The following CLIP1 variants were observed in gnomAD, a reference collection of about 807,000 sequenced individuals.
The protein encoded by CLIP1 is CAP-Gly domain containing linker protein 1.
CLIP1 carries 66 observed loss-of-function variants against 161.6 expected under a neutral mutation model. That is an observed-to-expected ratio of 0.41 (90% CI 0.33 to 0.50). The LOEUF is 0.50. CLIP1 is among the 20% of genes least tolerant of loss of function. The pLI is 0.27. For missense variants in CLIP1, 1,376 were observed against 1,702.0 expected (o/e 0.81, Z 3.37); for synonymous variants, 598 against 626.2 (o/e 0.96, Z 0.67).
chr12:122,326,378 C>T (rs4758667), intron 17 of CLIP1, among the ~76,000 whole-genome samples: 117,883 of 150,822 alleles, frequency 0.78, 46,380 homozygotes, highest in East Asian at 0.85. Context: ...ACGCCTGCAA[C>T]CCCAGCGCCT....
chr12:122,381,916 A>G (rs777539861), intron 1 of CLIP1, among the ~76,000 whole-genome samples: 4 of 152,204 alleles, frequency 2.6e-5, no homozygotes, highest in Non-Finnish European at 5.9e-5. Flanking sequence ...CCAAAACCCA[A>G]TGAAAAGCAT....
chr12:122,406,141 T>C (rs1170143447), intron 1 of CLIP1, among the ~76,000 whole-genome samples: 1 of 152,032 alleles, frequency 6.6e-6, no homozygotes, highest in African/African-American at 2.4e-5. Context: ...TTGTAATCAC[T>C]GTTTATTTAA....
intron 3 of CLIP1, among the ~76,000 whole-genome samples, chr12:122,367,590 T>C (rs901425622): frequency 8.5e-5 from 13 of 152,190 alleles, no homozygotes; most frequent in Non-Finnish European, 1.9e-4. Context: ...GTCTAGTACA[T>C]GCACGTACAG....
At chr12:122,365,843 T>C (rs180810202) in intron 3 of CLIP1, among the ~76,000 whole-genome samples, 16 of 151,546 alleles carry the variant, frequency 1.1e-4, no homozygotes, top group Admixed American at 5.9e-4. Context: ...ACCCTGTCTG[T>C]ACAAATAATA....
At chr12:122,416,877 G>T (rs1956774571) in intron 1 of CLIP1, among the ~76,000 whole-genome samples, 1 of 151,648 alleles carries the variant, frequency 6.6e-6, no homozygotes, top group Admixed American at 6.6e-5. Flanking sequence ...TCCAGCCTGG[G>T]CAACAAGAGC....
At chr12:122,382,733 AGT>A (rs1360881878) in intron 1 of CLIP1, among the ~76,000 whole-genome samples, 1 of 151,792 alleles carries the variant, frequency 6.6e-6, no homozygotes, top group Non-Finnish European at 1.5e-5. Context: ...TAAATAAATA[AGT>A]GTGGTTTGGG....
chr12:122,273,431 A>C (rs1955256335), intron 25 of CLIP1, among the ~76,000 whole-genome samples: 1 of 151,598 alleles, frequency 6.6e-6, no homozygotes, highest in Non-Finnish European at 1.5e-5. Context: ...TTGTATTTTC[A>C]GTAGAGATGG....
At chr12:122,356,738 CCTGATTCTCCTG>C (rs1953393022) in intron 5 of CLIP1, among the ~76,000 whole-genome samples, 1 of 29,382 alleles carries the variant, frequency 3.4e-5, no homozygotes, top group Non-Finnish European at 1.1e-4. Flanking sequence ...AGCCTCCCTG[CCTGATTCTCCTG>C]CCTCAGCCTG....
chr12:122,294,573 G>T (rs78250018), intron 20 of CLIP1, among the ~76,000 whole-genome samples: 2 of 151,846 alleles, frequency 1.3e-5, no homozygotes, highest in South Asian at 4.2e-4. Flanking sequence ...GACCAGCCTG[G>T]GTAACATAGT....
chr12:122,274,264 G>A (rs1217861979), intron 24 of CLIP1, 102 bp from the exon 25 acceptor site: 18 of 954,674 alleles, frequency 1.9e-5, no homozygotes, highest in Non-Finnish European at 2.4e-5. Context: ...GCGGCAAAGT[G>A]TGCAGAAGGG....
In CLIP1 at chr12:122,278,215, G is replaced by GTAAA; in HGVS notation, c.3917-13_3917-12insTTTA. 2 of 1,196,524 alleles carry GTAAA rather than the reference G, an allele frequency of 1.7e-6. No individual in the cohort carries two copies. Among genetic ancestry groups the GTAAA allele is most frequent in the African/African-American group, 2.7e-5 (1 of 37,300 alleles). 74.1% of individuals were successfully genotyped at this position (1,196,524 alleles called of 1,614,324 possible). On this transcript the variant is annotated splice_polypyrimidine_tract_variant and intron_variant, in intron 23 of 25. Coordinates refer to ENST00000620786, the MANE Select transcript of CLIP1 (RefSeq NM_001247997.2). The stretch of plus-strand genomic sequence containing the variant: ...AGTGTCTGTATTACCTTATATTTGA[G>GTAAA]GAAAAAAAAAAAAAAACAAGTGGAG...
intron 1 of CLIP1, among the ~76,000 whole-genome samples, chr12:122,411,519 C>A (rs990710908): frequency 2.6e-5 from 4 of 151,974 alleles, no homozygotes; most frequent in African/African-American, 7.3e-5. Context: ...TGAAGAGACA[C>A]AATGTGGTAT....
intron 19 of CLIP1, among the ~76,000 whole-genome samples, chr12:122,313,928 G>A (rs551872936): frequency 4.3e-4 from 65 of 151,610 alleles, no homozygotes; most frequent in Non-Finnish European, 8.1e-4. Context: ...AGGTCAAGGC[G>A]GGCAGATCAT....
At chr12:122,324,595 GTTAGC>G (rs1951638370) in intron 17 of CLIP1, among the ~76,000 whole-genome samples, 1 of 152,140 alleles carries the variant, frequency 6.6e-6, no homozygotes, top group South Asian at 2.1e-4. Context: ...TTCTGTATCT[GTTAGC>G]TTATTTTATC....
chr12:122,287,194 G>A (rs377324356), intron 21 of CLIP1, among the ~76,000 whole-genome samples: 1 of 152,000 alleles, frequency 6.6e-6, no homozygotes, highest in Non-Finnish European at 1.5e-5. Context: ...ATTAAAAAAA[G>A]AAAAAAGAAA....
chr12:122,320,998 G>A (rs996962394), intron 17 of CLIP1, among the ~76,000 whole-genome samples: 7 of 150,390 alleles, frequency 4.7e-5, no homozygotes, highest in Admixed American at 1.3e-4. Context: ...GTAAGCCACC[G>A]CACCCGGTGA....
rs1593049483 is a variant in CLIP1 at position 122,316,782 on chromosome 12, T to G, written c.3440A>C (p.Glu1147Ala). Residue 1147 changes from glutamate (E) to alanine (A), a missense_variant, in exon 19 of 26, where the codon GAG becomes GCG. Physicochemically the swap from Glu to Ala is moderately radical, Grantham distance 107. Coordinates refer to ENST00000620786, the MANE Select transcript of CLIP1 (RefSeq NM_001247997.2). ...LNKSKELLTV[E>A]NQKMEEFRKE... ...CCTAAATTCTTCCATTTTTTGATTC[T>G]CTACAGTCAGGAGTTCTTTTGATTT... The G allele has an allele frequency of 1.3e-6, 2 of 1,587,816 alleles. No individual in the cohort carries two copies. Among genetic ancestry groups the G allele is most frequent in the East Asian group, 4.5e-5 (2 of 44,388 alleles).
chr12:122,352,590 A>G, intron 8 of CLIP1, 136 bp downstream of exon 8: 1 of 753,490 alleles, frequency 1.3e-6, no homozygotes, highest in South Asian at 1.5e-5. Context: ...CGTCACCACA[A>G]AGCCACCCCC....
At chr12:122,299,713 G>C (rs1418595336) in intron 20 of CLIP1, among the ~76,000 whole-genome samples, 5 of 146,548 alleles carry the variant, frequency 3.4e-5, no homozygotes, top group East Asian at 4.2e-4. Context: ...TCAGGAGATC[G>C]AGACCATCCT....
Sources: allele counts gnomAD v4.1 joint callset (sites outside exome capture counted in the v4.1 genomes callset), GRCh38; gene constraint gnomAD v4.1.1; transcripts MANE v1.5; gene names NCBI Gene and HGNC (gene_info 2026-07-23, HGNC 2026-07-21).